The following SGK3 variants were observed in gnomAD, a reference collection of about 807,000 sequenced individuals.
SGK3 encodes the protein serum/glucocorticoid regulated kinase family member 3, also known as serine/threonine-protein kinase Sgk3.
Under a neutral mutation model 68.5 loss-of-function variants are expected in SGK3, and 47 were observed. The ratio of observed to expected loss-of-function variants is 0.69; its 90% confidence interval spans 0.54 to 0.87. SGK3 has a LOEUF of 0.87. Ranked by LOEUF, SGK3 falls within the 40% of genes least tolerant of loss-of-function variation. The pLI, the probability that SGK3 is intolerant of heterozygous loss-of-function variation, is 0.00. For synonymous variants in SGK3, 181 were observed against 189.1 expected (o/e 0.96, Z 0.35); for missense variants, 479 against 575.5 (o/e 0.83, Z 1.72).
rs1411599130 is a variant in SGK3, at chr8:66,859,745, G to T, written c.*164G>T. 2 of 770,012 alleles carry T rather than the reference G, an allele frequency of 2.6e-6. No individual in the cohort carries two copies. Among genetic ancestry groups the T allele is most frequent in the Non-Finnish European group, 3.6e-6 (2 of 550,400 alleles). 47.7% of individuals were successfully genotyped at this position (770,012 alleles called of 1,614,324 possible). A position where few individuals can be genotyped will look rare whatever the true frequency, so the allele number is the denominator to read the frequency against. The stretch of plus-strand genomic sequence containing the variant: ...TTTTCTTCTATGTGCAAGAAAAATA[G>T]GGCATTTCAAAGAGCTGTTTTGATT... On this transcript the variant is annotated 3_prime_UTR_variant, in exon 17 of 17. Coordinates refer to ENST00000521198, the MANE Select transcript of SGK3 (RefSeq NM_001033578.3).
At chr8:66,843,789 T>C (rs1308796049) in intron 14 of SGK3, among the ~76,000 whole-genome samples, 1 of 152,046 alleles carries the variant, frequency 6.6e-6, no homozygotes, top group Non-Finnish European at 1.5e-5. Flanking sequence ...AGGCCAGGAG[T>C]TCGAGACCAG....
At chr8:66,827,919 C>G (rs549642439) in intron 6 of SGK3, among the ~76,000 whole-genome samples, 2 of 152,056 alleles carry the variant, frequency 1.3e-5, no homozygotes, top group South Asian at 4.2e-4. Flanking sequence ...GTCAGGAGAT[C>G]GAGACCATCC....
intron 1 of SGK3, among the ~76,000 whole-genome samples, chr8:66,788,478 A>C (rs189236033): frequency 6.6e-6 from 1 of 152,198 alleles, no homozygotes; most frequent in East Asian, 1.9e-4. Flanking sequence ...AGGGGTCCTT[A>C]ATTCATTCCT....
intron 4 of SGK3, among the ~76,000 whole-genome samples, chr8:66,813,627 AT>A (rs1244919728): frequency 6.7e-6 from 1 of 149,834 alleles, no homozygotes; most frequent in Non-Finnish European, 1.5e-5. Context: ...TGTCTGCTTA[AT>A]TTTAATATAT....
intron 15 of SGK3, among the ~76,000 whole-genome samples, chr8:66,848,202 G>T (rs1362282126): frequency 6.6e-6 from 1 of 152,016 alleles, no homozygotes; most frequent in Non-Finnish European, 1.5e-5. Context: ...ACACCTCCTT[G>T]TCCCTTGGTC....
chr8:66,757,320 G>T (rs1425899169), intron 1 of SGK3, among the ~76,000 whole-genome samples: 1 of 151,468 alleles, frequency 6.6e-6, no homozygotes, highest in African/African-American at 2.4e-5. Flanking sequence ...TTTTTGTAGA[G>T]ACTCAAAAAG....
intron 1 of SGK3, among the ~76,000 whole-genome samples, chr8:66,755,542 C>T (rs1193250247): frequency 6.6e-6 from 1 of 152,194 alleles, no homozygotes; most frequent in African/African-American, 2.4e-5. Context: ...CTGTACACCT[C>T]TTCCAGATGG....
At chr8:66,813,787 A>G (rs933732409) in intron 4 of SGK3, 66 bp from the exon 5 acceptor site, 8 of 1,375,286 alleles carry the variant, frequency 5.8e-6, no homozygotes, top group Non-Finnish European at 7.7e-6. Context: ...TGTCTATTAT[A>G]TAACTGTTGA....
intron 5 of SGK3, among the ~76,000 whole-genome samples, chr8:66,815,655 C>G (rs1423025834): frequency 6.6e-6 from 1 of 152,076 alleles, no homozygotes; most frequent in Non-Finnish European, 1.5e-5. Flanking sequence ...TTGTCTCTTC[C>G]TTTGACGAGC....
chr8:66,820,659 A>G (rs1808773270), intron 5 of SGK3, among the ~76,000 whole-genome samples: 1 of 152,188 alleles, frequency 6.6e-6, no homozygotes, highest in African/African-American at 2.4e-5. Flanking sequence ...GTACCATTTT[A>G]CATTTACACC....
rs564072406 is a variant in SGK3, at chr8:66,726,799, T to A, written c.-122+13966T>A. 1.1e-4 allele frequency among the ~76,000 whole-genome samples: 12 copies of A among 109,434 alleles called. No individual in the cohort carries two copies. In the South Asian group the frequency reaches 1.9e-3, roughly 17 times the overall value. The allele number at this position is 109,434 out of a possible 152,430, so 71.8% of individuals were successfully genotyped here. On this transcript the variant is annotated intron_variant, in intron 1 of 16. Transcript: ENST00000521198. ...CTGAATGACAGAGCAAGACCCTGTC[T>A]GTAAAAAAAAAAAAAAAAAAAAAAG...
In SGK3 at chr8:66,844,007, A is replaced by C. The variant is rs983848017; in HGVS notation, c.1074+460A>C. On this transcript the variant is annotated intron_variant, in intron 14 of 16. Transcript: ENST00000521198. ...AGACTCTGTCTCAAAAAAAAAAAAAAAAAAAAAAAAAACCCTTTTTATTTG... is the reference window on the plus strand; with the variant it reads ...AGACTCTGTCTCAAAAAAAAAAAAACAAAAAAAAAAAACCCTTTTTATTTG... 7.6e-3 allele frequency among the ~76,000 whole-genome samples: 1,134 copies of C among 148,598 alleles called. 14 individuals are homozygous for C. The highest frequency in any genetic ancestry group is 0.012 in the Non-Finnish European group (812 of 67,816).
chr8:66,743,973 T>C (rs1805555460), intron 1 of SGK3, among the ~76,000 whole-genome samples: 1 of 152,224 alleles, frequency 6.6e-6, no homozygotes, highest in Non-Finnish European at 1.5e-5. Context: ...CAATCTGGGA[T>C]GCTGCTGCAC....
At chr8:66,820,121 G>A (rs554145440) in intron 5 of SGK3, among the ~76,000 whole-genome samples, 1 of 152,156 alleles carries the variant, frequency 6.6e-6, no homozygotes, top group South Asian at 2.1e-4. Context: ...CAGCCCAGTA[G>A]TTTTTAGTGT....
At chr8:66,794,271 C>G (rs1807583539) in intron 2 of SGK3, among the ~76,000 whole-genome samples, 1 of 152,044 alleles carries the variant, frequency 6.6e-6, no homozygotes, top group African/African-American at 2.4e-5. Context: ...AAAGGCTAAG[C>G]CATTTCTAAT....
At chr8:66,855,510 T>G (rs1810476571) in intron 16 of SGK3, among the ~76,000 whole-genome samples, 1 of 152,144 alleles carries the variant, frequency 6.6e-6, no homozygotes, top group Non-Finnish European at 1.5e-5. Context: ...ACCGACTACA[T>G]AAGATTTTAG....
At chr8:66,818,257 C>T (rs1416096370) in intron 5 of SGK3, among the ~76,000 whole-genome samples, 2 of 152,086 alleles carry the variant, frequency 1.3e-5, no homozygotes, top group Non-Finnish European at 2.9e-5. Context: ...AGAAGGAACC[C>T]ATGCAAACAC....
chr8:66,713,173 C>A (rs546457310), intron 1 of SGK3, among the ~76,000 whole-genome samples: 18 of 152,240 alleles, frequency 1.2e-4, no homozygotes, highest in Admixed American at 9.8e-4. Context: ...CTGCGAGGGT[C>A]GGGGAGGGGG....
chr8:66,854,647 G>A (rs919351979), intron 16 of SGK3, among the ~76,000 whole-genome samples: 2 of 152,126 alleles, frequency 1.3e-5, no homozygotes, highest in Non-Finnish European at 1.5e-5. Flanking sequence ...GGTGTGGTAG[G>A]AAGGGATTAC....
Sources: gnomAD v4.1 joint callset for allele counts (sites outside exome capture counted in the v4.1 genomes callset) on GRCh38, gnomAD v4.1.1 for gene constraint, MANE v1.5 for transcripts, NCBI Gene and HGNC (gene_info 2026-07-23, HGNC 2026-07-21) for gene names.